The following PLS3 variants were observed in gnomAD, a reference collection of about 807,000 sequenced individuals.
The protein encoded by PLS3 is plastin-3.
A neutral mutation model predicts 46.5 loss-of-function variants in PLS3; 11 were observed. The ratio of observed to expected loss-of-function variants is 0.24; its 90% CI spans 0.15 to 0.39. PLS3 has a LOEUF of 0.39. Among genes scored for constraint, PLS3 ranks in the 10% least tolerant of loss-of-function variants. The pLI, the probability that PLS3 is intolerant of heterozygous loss-of-function variation, is 1.00. For synonymous variants in PLS3, 167 were observed against 162.2 expected (o/e 1.03, Z -0.22); for missense variants, 308 against 461.8 (o/e 0.67, Z 3.05).
In PLS3 at chrX:115,650,632, G is replaced by A; in HGVS notation, c.*1071G>A. The A allele has an allele frequency of 8.9e-6, 1 of 112,310 alleles. No homozygotes were observed. The highest frequency in any genetic ancestry group is 2.8e-4 in the East Asian group (1 of 3,583). The allele number at this position is 112,310 out of a possible 1,213,427, so 9.3% of individuals were successfully genotyped here. ...TAACTCTGAAAAGTGATGTAATCTG[G>A]TAGCAATGTAGTAGTTCAAATAAAG... On this transcript the variant is annotated 3_prime_UTR_variant, in exon 16 of 16. Coordinates refer to ENST00000355899, the MANE Select transcript of PLS3 (RefSeq NM_005032.7).
At chrX:115,632,698 A>G (rs887143867) in intron 5 of PLS3, among the ~76,000 whole-genome samples, 3 of 110,355 alleles carry the variant, frequency 2.7e-5, no homozygotes, top group Admixed American at 9.8e-5. Flanking sequence ...CTCATTTCCA[A>G]TGCAGGATTT....
At chrX:115,573,093 CAA>C (rs1163578692) in intron 1 of PLS3, among the ~76,000 whole-genome samples, 2 of 30,246 alleles carry the variant, frequency 6.6e-5, no homozygotes, top group Admixed American at 3.5e-4. Context: ...GACTCCGTCT[CAA>C]AAAAAAAAAA....
At chrX:115,607,384 C>A (rs1239947503) in intron 1 of PLS3, among the ~76,000 whole-genome samples, 1 of 111,977 alleles carries the variant, frequency 8.9e-6, no homozygotes, top group Non-Finnish European at 1.9e-5. Context: ...TTTCATCCAA[C>A]CTGTCTACTG....
chrX:115,614,296 T>C, intron 2 of PLS3: 1 of 752,159 alleles, frequency 1.3e-6, no homozygotes, highest in Non-Finnish European at 1.6e-6. Flanking sequence ...AAAACGAGAG[T>C]TGCAGCAGGG....
chrX:115,591,560 C>A (rs140786490), intron 1 of PLS3, among the ~76,000 whole-genome samples: 225 of 111,654 alleles, frequency 2.0e-3, no homozygotes, highest in Non-Finnish European at 3.8e-3. Context: ...GGGACAGACC[C>A]GTCTCAGTGG....
intron 1 of PLS3, among the ~76,000 whole-genome samples, chrX:115,563,305 C>A (rs1255708282): frequency 9.0e-6 from 1 of 111,634 alleles, no homozygotes; most frequent in African/African-American, 3.3e-5. Context: ...AGAAATCATG[C>A]ACAAAAACAG....
chrX:115,633,762 G>C (rs1321029384), intron 5 of PLS3, among the ~76,000 whole-genome samples: 2 of 111,453 alleles, frequency 1.8e-5, no homozygotes, highest in African/African-American at 6.5e-5. Flanking sequence ...CAAAGTGCTG[G>C]GATTATAGAC....
At chrX:115,624,025 C>T (rs1310665359) in intron 3 of PLS3, among the ~76,000 whole-genome samples, 1 of 110,726 alleles carries the variant, frequency 9.0e-6, no homozygotes, top group African/African-American at 3.3e-5. Flanking sequence ...CTCAGAAGAT[C>T]GAGGGCCATA....
chrX:115,567,462 G>C (rs1556630262), intron 1 of PLS3, among the ~76,000 whole-genome samples: 3 of 109,840 alleles, frequency 2.7e-5, no homozygotes, highest in African/African-American at 9.9e-5. Context: ...ACGGTGGCAC[G>C]GGCTTGTAGT....
chrX:115,629,463 C>T (rs782463558), intron 4 of PLS3, 136 bp downstream of exon 4: 3 of 534,329 alleles, frequency 5.6e-6, no homozygotes, highest in East Asian at 7.0e-5. Flanking sequence ...TGTATTTAGG[C>T]TTGAGACTAA....
At chrX:115,622,878 C>G (rs2147518086) in intron 3 of PLS3, among the ~76,000 whole-genome samples, 1 of 111,738 alleles carries the variant, frequency 8.9e-6, no homozygotes. Flanking sequence ...ACCATTCTCT[C>G]TAGGATGATA....
At chrX:115,636,710 A>G in intron 7 of PLS3, 126 bp from the exon 8 acceptor site, 1 of 493,623 alleles carries the variant, frequency 2.0e-6, no homozygotes, top group Non-Finnish European at 3.3e-6. Flanking sequence ...GTATCTTGAA[A>G]CTAGGAACTA....
At chrX:115,599,634 A>G (rs1433180883) in intron 1 of PLS3, among the ~76,000 whole-genome samples, 1 of 72,021 alleles carries the variant, frequency 1.4e-5, no homozygotes, top group Non-Finnish European at 2.7e-5. Context: ...CATTATTATT[A>G]TTATTATTAT....
chrX:115,646,929 G>C lies in PLS3; in HGVS notation c.1511+394G>C, dbSNP rs1042805969. On this transcript the variant is annotated intron_variant, in intron 13 of 15. Transcript: ENST00000355899. ...AAGCATTCATTATGACTGGGCACCA[G>C]CCAAAGCACAGCTTATTTTATGCCA... 2.7e-5 allele frequency among the ~76,000 whole-genome samples: 3 copies of C among 112,317 alleles called. No individual in the cohort carries two copies. The East Asian group carries it at 8.4e-4, about 32-fold the overall frequency.
intron 1 of PLS3, among the ~76,000 whole-genome samples, chrX:115,565,240 A>G (rs782389574): frequency 8.9e-6 from 1 of 111,923 alleles, no homozygotes; most frequent in East Asian, 2.8e-4. Flanking sequence ...CAGAAGATTC[A>G]CGATAAATTT....
intron 1 of PLS3, among the ~76,000 whole-genome samples, chrX:115,570,578 A>G (rs1376466394): frequency 2.2e-5 from 2 of 92,393 alleles, no homozygotes; most frequent in South Asian, 5.3e-4. Flanking sequence ...ATCTCAGCTC[A>G]CTGCAACCTT....
At chrX:115,629,077 G>T in intron 3 of PLS3, 121 bp from the exon 4 acceptor site, 1 of 501,182 alleles carries the variant, frequency 2.0e-6, no homozygotes, top group South Asian at 4.0e-5. Context: ...CCAGTTTTTT[G>T]TATCTTTTAA....
At chrX:115,643,275 G>T (rs2147577121) in intron 9 of PLS3, 38 bp from the exon 10 acceptor site, 1 of 932,400 alleles carries the variant, frequency 1.1e-6, no homozygotes, top group East Asian at 3.1e-5. Flanking sequence ...TATTTTTAGT[G>T]TGGCCTTTGA....
rs781919561 is a variant in PLS3 at position 115,586,110 on chromosome X, C to G, written c.-8-24133C>G. On this transcript the variant is annotated intron_variant, in intron 1 of 15. Transcript: ENST00000355899. ...CAAGCCATTCTCCTGCCTCAGCCTC[C>G]GAATAGCTGGGATTACAGGCCTGTG... 7.2e-3 allele frequency among the ~76,000 whole-genome samples: 776 copies of G among 107,843 alleles called. 5 individuals carry two copies. Among genetic ancestry groups the G allele is most frequent in the Admixed American group, 0.013 (129 of 9,969 alleles). The allele number at this position is 107,843 out of a possible 115,157, so 93.6% of individuals were successfully genotyped here. A position where few individuals can be genotyped will look rare whatever the true frequency, so the allele number is the denominator to read the frequency against.
Sources: allele counts gnomAD v4.1 joint callset (sites outside exome capture counted in the v4.1 genomes callset), GRCh38; gene constraint gnomAD v4.1.1; transcripts MANE v1.5; gene names NCBI Gene and HGNC (gene_info 2026-07-23, HGNC 2026-07-21).